The following SPOCK1 variants were observed in gnomAD, a reference collection of about 807,000 sequenced individuals.
The protein encoded by SPOCK1 is testican-1.
A neutral mutation model predicts 55.3 loss-of-function variants in SPOCK1; 23 were observed. The observed-to-expected ratio is 0.42, with a 90% CI of 0.30 to 0.59. The LOEUF (loss-of-function observed/expected upper bound fraction) is 0.59. SPOCK1 is among the 20% of genes least tolerant of loss of function. The probability of loss-of-function intolerance (pLI) is 0.22; values close to 1 mark genes in which losing one functional copy is unlikely to be tolerated. For missense variants in SPOCK1, 499 were observed against 552.5 expected, an observed-to-expected ratio of 0.90 and a Z score of 0.97; for synonymous variants, 226 against 221.0, an observed-to-expected ratio of 1.02 and a Z score of -0.20.
chr5:137,381,458 T>C (rs1015418887), intron 2 of SPOCK1, among the ~76,000 whole-genome samples: 4 of 152,186 alleles, frequency 2.6e-5, no homozygotes, highest in African/African-American at 9.6e-5. Context: ...CCATGAGGGC[T>C]CCACCCCTGC....
intron 3 of SPOCK1, among the ~76,000 whole-genome samples, chr5:137,206,493 A>G (rs1344065830): frequency 6.6e-6 from 1 of 152,254 alleles, no homozygotes; most frequent in Non-Finnish European, 1.5e-5. Flanking sequence ...GAATGGGAGA[A>G]GCCAGGGCCA....
At chr5:137,023,960 ATTTT>A (rs34202986) in intron 6 of SPOCK1, among the ~76,000 whole-genome samples, 61 of 129,882 alleles carry the variant, frequency 4.7e-4, no homozygotes, top group South Asian at 2.7e-3. Context: ...TCAATATAGT[ATTTT>A]TTTTTTTTTT....
At chr5:137,052,144 T>C (rs1046262931) in intron 6 of SPOCK1, among the ~76,000 whole-genome samples, 7 of 152,224 alleles carry the variant, frequency 4.6e-5, no homozygotes, top group Non-Finnish European at 7.3e-5. Flanking sequence ...TCTTGGACCA[T>C]GAGGCAGACT....
intron 2 of SPOCK1, among the ~76,000 whole-genome samples, chr5:137,337,932 A>G (rs1055125920): frequency 2.0e-5 from 3 of 152,210 alleles, no homozygotes; most frequent in Non-Finnish European, 2.9e-5. Context: ...CCTCTCCACT[A>G]ATTAACAATA....
chr5:137,483,038 A>C (rs1212845525), intron 2 of SPOCK1, among the ~76,000 whole-genome samples: 5 of 152,254 alleles, frequency 3.3e-5, no homozygotes, highest in African/African-American at 4.8e-5. Flanking sequence ...AGATATAAAA[A>C]GTAATGTATT....
In SPOCK1 at chr5:137,269,915, T is replaced by TA. The variant is rs926847151; in HGVS notation, c.187-2861dup. ...GACTCAGGTGGCAGAGCCAGGCTTT[T>TA]AAAAAAAAAAATCTTATTTTCTATC... is the stretch of plus-strand genomic sequence containing the variant. On this transcript the variant is annotated intron_variant, in intron 2 of 10. Coordinates refer to ENST00000394945, the MANE Select transcript of SPOCK1 (RefSeq NM_004598.4). 6.7e-3 allele frequency among the ~76,000 whole-genome samples: 997 copies of TA among 149,272 alleles called. 2 individuals are homozygous for TA. The highest frequency in any genetic ancestry group is 0.022 in the African/African-American group (915 of 40,822).
At chr5:137,165,808 G>T (rs1754638277) in intron 3 of SPOCK1, among the ~76,000 whole-genome samples, 1 of 152,060 alleles carries the variant, frequency 6.6e-6, no homozygotes, top group African/African-American at 2.4e-5. Flanking sequence ...TAGCAGAATT[G>T]ATCAAACAGA....
chr5:137,438,240 T>C lies in SPOCK1; in HGVS notation c.186+60133A>G, dbSNP rs539498998. 1.1e-4 allele frequency among the ~76,000 whole-genome samples: 16 copies of C among 152,106 alleles called. No homozygotes were observed. The South Asian group carries it at 1.5e-3, about 14-fold the overall frequency. ...CTGCACAGGTCCAGGCAGGAGATGA[T>C]GGCGGTCTGCCCTCAAGGAGAGATG... is the stretch of plus-strand genomic sequence containing the variant. On this transcript the variant is annotated intron_variant, in intron 2 of 10. Transcript: ENST00000394945.
At chr5:137,197,603 TG>T in intron 3 of SPOCK1, among the ~76,000 whole-genome samples, 2 of 152,354 alleles carry the variant, frequency 1.3e-5, no homozygotes, top group South Asian at 4.1e-4. Flanking sequence ...GAATAAAATT[TG>T]GTAACACATT....
chr5:137,100,031 G>A (rs1451995444), intron 5 of SPOCK1, among the ~76,000 whole-genome samples: 4 of 152,058 alleles, frequency 2.6e-5, no homozygotes, highest in Admixed American at 6.6e-5. Flanking sequence ...CTAGGAGTTC[G>A]GTATCAGAGA....
rs956842211 is a variant in SPOCK1 at position 136,978,352 on chromosome 5, C to T, written c.*302G>A. On this transcript the variant is annotated 3_prime_UTR_variant, in exon 11 of 11. Coordinates refer to ENST00000394945, the MANE Select transcript of SPOCK1 (RefSeq NM_004598.4). ...GGCTCCCTGCACTGTCAGAATTCCA[C>T]GTAAATCACATGCTTGTTGGAAAAA... 1.9e-5 allele frequency: 7 copies of T among 360,624 alleles called. No individual in the cohort carries two copies. The highest frequency in any genetic ancestry group is 8.4e-5 in the African/African-American group (4 of 47,666). 22.3% of individuals were successfully genotyped at this position (360,624 alleles called of 1,614,324 possible). A position where few individuals can be genotyped will look rare whatever the true frequency, so the allele number is the denominator to read the frequency against.
intron 3 of SPOCK1, among the ~76,000 whole-genome samples, chr5:137,233,240 A>C (rs1408876558): frequency 6.6e-6 from 1 of 152,198 alleles, no homozygotes; most frequent in Non-Finnish European, 1.5e-5. Context: ...TGAAATAATT[A>C]TACAACTCAC....
intron 2 of SPOCK1, among the ~76,000 whole-genome samples, chr5:137,423,140 C>G (rs192910195): frequency 6.6e-6 from 1 of 152,348 alleles, no homozygotes; most frequent in East Asian, 1.9e-4. Context: ...GATTGTTCCT[C>G]TGGAAGTTTT....
At chr5:136,985,225 C>G in intron 8 of SPOCK1, 23 bp from the exon 9 acceptor site, 1 of 1,608,902 alleles carries the variant, frequency 6.2e-7, no homozygotes, top group Non-Finnish European at 8.5e-7. Context: ...TTCTGAAAGT[C>G]AGCTTCCAGA....
intron 2 of SPOCK1, among the ~76,000 whole-genome samples, chr5:137,351,189 T>C (rs753720867): frequency 8.5e-5 from 13 of 152,182 alleles, no homozygotes; most frequent in African/African-American, 1.9e-4. Context: ...GTTGGAAAGG[T>C]AGACCTTCTG....
At chr5:137,366,590 C>T (rs960620815) in intron 2 of SPOCK1, among the ~76,000 whole-genome samples, 2 of 152,150 alleles carry the variant, frequency 1.3e-5, no homozygotes, top group African/African-American at 2.4e-5. Context: ...GAGTCCTGCC[C>T]CACCCCACCC....
intron 2 of SPOCK1, among the ~76,000 whole-genome samples, chr5:137,292,721 G>A (rs1435454471): frequency 6.6e-6 from 1 of 151,498 alleles, no homozygotes; most frequent in African/African-American, 2.4e-5. Context: ...AGAACAAAAT[G>A]GTATTTTACT....
At chr5:137,113,227 A>C (rs1753508932) in intron 4 of SPOCK1, among the ~76,000 whole-genome samples, 1 of 152,180 alleles carries the variant, frequency 6.6e-6, no homozygotes, top group Admixed American at 6.5e-5. Context: ...ATAATGATAA[A>C]TGTCGCTATT....
intron 3 of SPOCK1, among the ~76,000 whole-genome samples, chr5:137,196,278 C>T (rs921065558): frequency 6.6e-6 from 1 of 152,180 alleles, no homozygotes; most frequent in Non-Finnish European, 1.5e-5. Flanking sequence ...CCTGCCCAAA[C>T]CATTCCCCAC....
Sources: allele counts gnomAD v4.1 joint callset (sites outside exome capture counted in the v4.1 genomes callset), GRCh38; gene constraint gnomAD v4.1.1; transcripts MANE v1.5; gene names NCBI Gene and HGNC (gene_info 2026-07-23, HGNC 2026-07-21).